SAMD4B: variants seen among roughly 807,000 people sequenced by gnomAD.
SAMD4B encodes sterile alpha motif domain containing 4B.
In SAMD4B, 5 loss-of-function variants were observed where a neutral mutation model predicts 74.5. The ratio of observed to expected loss-of-function variants is 0.07; its 90% CI spans 0.04 to 0.14. The LOEUF (loss-of-function observed/expected upper bound fraction) is 0.14. Among genes scored for constraint, SAMD4B ranks in the 10% least tolerant of loss-of-function variants. SAMD4B has a pLI of 1.00. For missense variants in SAMD4B, 608 were observed against 921.8 expected (o/e 0.66, Z 4.41); for synonymous variants, 373 against 374.9 (o/e 1.00, Z 0.06).
chr19:39,359,760 T>C (rs2076540956), intron 3 of SAMD4B: 1 of 152,214 alleles, frequency 6.6e-6, no homozygotes, highest in South Asian at 2.1e-4. Flanking sequence ...TCTTGACCAA[T>C]AGACTCTTCC....
chr19:39,360,071 A>G (rs892856389), intron 3 of SAMD4B: 1 of 151,862 alleles, frequency 6.6e-6, no homozygotes, highest in African/African-American at 2.4e-5. Flanking sequence ...CTGTAGTCCT[A>G]GCTACTCGGG....
chr19:39,364,489 C>T (rs1199734990), intron 3 of SAMD4B, among the ~76,000 whole-genome samples: 2 of 152,240 alleles, frequency 1.3e-5, no homozygotes, highest in Non-Finnish European at 2.9e-5. Flanking sequence ...CCTTACTTTA[C>T]AGAGGAGGAA....
intron 4 of SAMD4B, 145 bp downstream of exon 4, chr19:39,370,270 C>T: frequency 1.3e-6 from 1 of 774,334 alleles, no homozygotes; most frequent in Non-Finnish European, 2.1e-6. Flanking sequence ...AGGCTGTGAA[C>T]TGGCTTTCCC....
At chr19:39,343,030 C>G (rs1048376521) in intron 1 of SAMD4B, among the ~76,000 whole-genome samples, 2 of 152,000 alleles carry the variant, frequency 1.3e-5, no homozygotes, top group South Asian at 4.1e-4. Context: ...CCCCGAAGCC[C>G]CCGTCCTCCT....
Position 39,375,778 on chromosome 19 carries a change from G to A in SAMD4B, c.796G>A (p.Asp266Asn), listed in dbSNP as rs754373488. 11 of 1,613,996 alleles carry A rather than the reference G, an allele frequency of 6.8e-6. No individual in the cohort carries two copies. Among genetic ancestry groups the A allele is most frequent in the Admixed American group, 5.0e-5 (3 of 59,992 alleles). ...GGCCCGGGCTGCTTTTACCACGCCC[G>A]ATCACGCACCTCTCTCGCCCCAGAG... ...LGARAAFTTPDHAPLSPQSSV... is the reference protein window; with the variant it reads ...LGARAAFTTPNHAPLSPQSSV... The change falls in exon 5 of 14, where the codon GAT becomes AAT. Residue 266 changes from aspartate (D) to asparagine (N), a missense_variant. Coordinates refer to ENST00000610417, the MANE Select transcript of SAMD4B (RefSeq NM_001384574.2). This position sits in a 1 kb window ranked among gnomAD's most constrained non-coding sequence, Gnocchi z 4.1.
rs2077184647 is a variant in SAMD4B at position 39,369,893 on chromosome 19, C to T, written c.435C>T (p.Leu145=). The T allele has an allele frequency of 6.2e-7, 1 of 1,614,270 alleles. No individual in the cohort carries two copies. ...TGGAGGACCGCAACGCACTGGCCCT[C>T]TGGCTGAGCCACCTGGAAGAGCGGT... is the stretch of plus-strand genomic sequence containing the variant. ...TTLEDRNALA[L]WLSHLEERLA... is the part of the protein sequence containing the mutation. The change falls in exon 4 of 14, where the codon CTC becomes CTT. Residue 145 remains leucine, a synonymous_variant. Transcript: ENST00000610417.
At chr19:39,363,730 A>C (rs1341464618) in intron 3 of SAMD4B, among the ~76,000 whole-genome samples, 1 of 152,222 alleles carries the variant, frequency 6.6e-6, no homozygotes, top group Non-Finnish European at 1.5e-5. Flanking sequence ...GCAGAGCTAG[A>C]TTTTGAATCC....
chr19:39,376,404 T>C, intron 5 of SAMD4B, 33 bp from the exon 6 acceptor site: 1 of 1,566,266 alleles, frequency 6.4e-7, no homozygotes, highest in South Asian at 1.1e-5. Context: ...TGGGCCAAAC[T>C]CCTGACCTTT....
intron 1 of SAMD4B, among the ~76,000 whole-genome samples, chr19:39,344,046 G>T (rs1381740096): frequency 3.2e-5 from 4 of 126,788 alleles, no homozygotes; most frequent in African/African-American, 1.1e-4. Flanking sequence ...CCCTCCTGAC[G>T]TATGTTCTTG....
downstream of SAMD4B, chr19:39,387,265 A>ATT (rs2078273479): frequency 2.7e-6 from 1 of 367,362 alleles, no homozygotes. Flanking sequence ...GTATTTGTGT[A>ATT]TCTAAACATA....
chr19:39,378,526 C>G lies in SAMD4B; in HGVS notation c.1467C>G (p.Ser489=), dbSNP rs138811308. The G allele has an allele frequency of 7.1e-5, 114 of 1,613,874 alleles. No individual in the cohort carries two copies. The highest frequency in any genetic ancestry group is 2.2e-4 in the Admixed American group (13 of 59,982). ...CAGTGTGCACCCAACTGCTGGTGTC[C>G]CGACCAGACGAGGAGAACATCACCA... is the stretch of plus-strand genomic sequence containing the variant. ...MGKVCTQLLV[S]RPDEENITSY... The change falls in exon 9 of 14, where the codon TCC becomes TCG. Residue 489 remains serine, a synonymous_variant. Coordinates refer to ENST00000610417, the MANE Select transcript of SAMD4B (RefSeq NM_001384574.2). The surrounding 1 kb of genome is among the most constrained non-coding windows in gnomAD (Gnocchi z 4.4).
intron 12 of SAMD4B, chr19:39,381,378 T>C (rs949280570): frequency 1.3e-5 from 5 of 390,054 alleles, no homozygotes; most frequent in Admixed American, 8.5e-5. Context: ...TCCCACCCTA[T>C]GTCATAATCT....
intron 5 of SAMD4B, 130 bp downstream of exon 5, chr19:39,376,019 G>C: frequency 8.1e-7 from 1 of 1,237,272 alleles, no homozygotes; most frequent in Non-Finnish European, 1.1e-6. Context: ...GGAGTAGATA[G>C]TCCCTGCTTT....
At chr19:39,388,903 G>A, downstream of SAMD4B, 1 of 1,609,578 alleles carries the variant, frequency 6.2e-7, no homozygotes, top group Non-Finnish European at 8.5e-7. Context: ...ATGGGAACAG[G>A]CACAAATAGG....
chr19:39,358,370 C>CT (rs1400133913), intron 3 of SAMD4B, among the ~76,000 whole-genome samples: 5 of 152,138 alleles, frequency 3.3e-5, no homozygotes, highest in African/African-American at 1.2e-4. Context: ...AACCAAGTAA[C>CT]TTAACCTCTC....
chr19:39,377,946 G>T (rs1242882134), intron 8 of SAMD4B, 122 bp downstream of exon 8: 1 of 950,242 alleles, frequency 1.1e-6, no homozygotes, highest in Non-Finnish European at 1.5e-6. Flanking sequence ...CTGGAGACTG[G>T]AACACTACAG....
In SAMD4B at chr19:39,365,514, C is replaced by T. The variant is rs2076910969; in HGVS notation, c.197-4141C>T. 2.0e-5 allele frequency among the ~76,000 whole-genome samples: 3 copies of T among 151,996 alleles called. No homozygotes were observed. The South Asian group carries it at 6.2e-4, about 32-fold the overall frequency. On this transcript the variant is annotated intron_variant, in intron 3 of 13. Transcript: ENST00000610417. ...AGGTTGCAGTGAACCGAGATCATGC[C>T]ACTGCACTCCAACTTGAACAACAGA...
chr19:39,389,782 TGTG>T (rs765609417), downstream of SAMD4B: 16 of 1,613,722 alleles, frequency 9.9e-6, no homozygotes, highest in South Asian at 1.6e-4. The surrounding 1 kb of genome is among the most constrained non-coding windows in gnomAD (Gnocchi z 5.3). Context: ...AAACACCTAT[TGTG>T]GTGTTTGGAT....
chr19:39,386,866 G>GC (rs1030586450), downstream of SAMD4B: 58 of 1,053,122 alleles, frequency 5.5e-5, 1 homozygote, highest in East Asian at 2.4e-4. The surrounding 1 kb of genome is among the most constrained non-coding windows in gnomAD (Gnocchi z 6.1). Context: ...CCACTTCCCC[G>GC]CCCCCCAGTG....
Sources: allele counts gnomAD v4.1 joint callset (sites outside exome capture counted in the v4.1 genomes callset), GRCh38; gene constraint gnomAD v4.1.1; non-coding constraint Gnocchi (gnomAD v3.1); transcripts MANE v1.5; gene names NCBI Gene and HGNC (gene_info 2026-07-23, HGNC 2026-07-21).